LRBA: variants seen among roughly 807,000 people sequenced by gnomAD.
The protein encoded by LRBA is lipopolysaccharide-responsive and beige-like anchor protein.
LRBA carries 176 observed loss-of-function variants against 330.0 expected under a neutral mutation model. The observed-to-expected ratio is 0.53, with a 90% CI of 0.47 to 0.60. The LOEUF (loss-of-function observed/expected upper bound fraction) is 0.60, where lower values mean the gene tolerates loss of function less well. Among genes scored for constraint, LRBA ranks in the 20% least tolerant of loss-of-function variants. LRBA has a pLI of 0.00. For missense variants in LRBA, 3,259 were observed against 3,444.8 expected (o/e 0.95, Z 1.35); for synonymous variants, 1,230 against 1,193.0 (o/e 1.03, Z -0.64).
In LRBA at chr4:150,484,635, A is replaced by AT. The variant is rs886249272; in HGVS notation, c.6551+3096dup. On this transcript the variant is annotated intron_variant, in intron 42 of 56. Coordinates refer to ENST00000651943, the MANE Select transcript of LRBA (RefSeq NM_001364905.1). ...TTTTTCTCTATCATTTATTTTTATT[A>AT]TTTTTTTCTTTCTTCAGCTTACTTT... 6.0e-5 allele frequency among the ~76,000 whole-genome samples: 9 copies of AT among 150,750 alleles called. No individual in the cohort carries two copies. In the South Asian group the frequency reaches 6.3e-4, roughly 11 times the overall value.
Position 150,809,917 on chromosome 4 carries a change from TACG to T in LRBA, c.5306-1522_5306-1520del, listed in dbSNP as rs1560850365. ...TACGATACGATACGATACGATACGA[TACG>T]ATACGATACGATACTTCCCTCTGCT... On this transcript the variant is annotated intron_variant, in intron 31 of 56. Coordinates refer to ENST00000651943, the MANE Select transcript of LRBA (RefSeq NM_001364905.1). 1.7e-3 allele frequency among the ~76,000 whole-genome samples: 222 copies of T among 134,360 alleles called. 1 individual carries two copies. The highest frequency in any genetic ancestry group is 5.9e-3 in the African/African-American group (213 of 35,998). 88.1% of individuals were successfully genotyped at this position (134,360 alleles called of 152,430 possible).
At chr4:150,429,773 C>T (rs1423011539) in intron 46 of LRBA, among the ~76,000 whole-genome samples, 3 of 152,004 alleles carry the variant, frequency 2.0e-5, no homozygotes, top group Non-Finnish European at 4.4e-5. Flanking sequence ...TTGTTTATAT[C>T]TTACTATATA....
At chr4:150,703,428 AC>A (rs1317670191) in intron 36 of LRBA, among the ~76,000 whole-genome samples, 2 of 152,202 alleles carry the variant, frequency 1.3e-5, no homozygotes. Context: ...TCTATTACTG[AC>A]AATTTCATTC....
At chr4:150,998,553 C>T (rs1376391697) in intron 2 of LRBA, among the ~76,000 whole-genome samples, 1 of 151,972 alleles carries the variant, frequency 6.6e-6, no homozygotes, top group Non-Finnish European at 1.5e-5. Context: ...TAGGATCTCA[C>T]TATGTTGCCC....
At chr4:150,657,355 T>G (rs1158186157) in intron 37 of LRBA, among the ~76,000 whole-genome samples, 1 of 152,136 alleles carries the variant, frequency 6.6e-6, no homozygotes, top group Non-Finnish European at 1.5e-5. Context: ...AGTAATAACC[T>G]CTAGGGGTTA....
chr4:150,733,488 A>G (rs1261068929), intron 36 of LRBA, among the ~76,000 whole-genome samples: 1 of 151,890 alleles, frequency 6.6e-6, no homozygotes, highest in Admixed American at 6.6e-5. Context: ...AGTGAATAGG[A>G]GTTCCTGCTT....
chr4:150,805,440 A>AGAAAAG (rs1560841849), intron 33 of LRBA, among the ~76,000 whole-genome samples: 4 of 87,568 alleles, frequency 4.6e-5, no homozygotes, highest in Non-Finnish European at 8.9e-5. Context: ...AAGGAAAGGA[A>AGAAAAG]GGAAAGGGAA....
At chr4:150,339,126 G>C (rs1013897936) in intron 48 of LRBA, among the ~76,000 whole-genome samples, 1 of 152,002 alleles carries the variant, frequency 6.6e-6, no homozygotes, top group African/African-American at 2.4e-5. Flanking sequence ...AGTGTTCTTT[G>C]TGCTCTCCCT....
chr4:150,804,473 C>T (rs1167934843), intron 33 of LRBA, among the ~76,000 whole-genome samples: 1 of 152,126 alleles, frequency 6.6e-6, no homozygotes, highest in Non-Finnish European at 1.5e-5. Context: ...AAACTATTAG[C>T]CTACCTATAA....
At chr4:150,914,824 A>G (rs1175882419) in intron 8 of LRBA, among the ~76,000 whole-genome samples, 3 of 152,168 alleles carry the variant, frequency 2.0e-5, no homozygotes, top group Non-Finnish European at 2.9e-5. Flanking sequence ...AACATTGAGC[A>G]CTCATTCTGT....
chr4:150,644,458 T>C (rs1243968243), intron 37 of LRBA, among the ~76,000 whole-genome samples: 1 of 151,962 alleles, frequency 6.6e-6, no homozygotes, highest in African/African-American at 2.4e-5. Context: ...CTGAGTTTCA[T>C]TTGACAGCCA....
intron 36 of LRBA, among the ~76,000 whole-genome samples, chr4:150,722,053 A>G (rs1729008525): frequency 6.6e-6 from 1 of 152,178 alleles, no homozygotes; most frequent in South Asian, 2.1e-4. Flanking sequence ...TTTGTTGATC[A>G]TCTGCTGTGG....
chr4:150,773,364 T>C (rs1210944626), intron 34 of LRBA, among the ~76,000 whole-genome samples: 1 of 152,068 alleles, frequency 6.6e-6, no homozygotes, highest in African/African-American at 2.4e-5. Context: ...TATTGACAAG[T>C]ATGGAGAAAA....
intron 37 of LRBA, among the ~76,000 whole-genome samples, chr4:150,678,284 G>A (rs1782752191): frequency 6.6e-6 from 1 of 150,768 alleles, no homozygotes; most frequent in Non-Finnish European, 1.5e-5. Context: ...AATAAGGTTT[G>A]ACTAATAATA....
intron 2 of LRBA, among the ~76,000 whole-genome samples, chr4:150,948,993 T>G (rs931952257): frequency 6.6e-6 from 1 of 151,600 alleles, no homozygotes; most frequent in Non-Finnish European, 1.5e-5. Flanking sequence ...GGTGGGAATG[T>G]AAAATGACAC....
chr4:150,448,274 T>C (rs182819284), intron 44 of LRBA, among the ~76,000 whole-genome samples: 55 of 152,322 alleles, frequency 3.6e-4, no homozygotes, highest in Non-Finnish European at 6.0e-4. Context: ...CAAAGAATAA[T>C]GCAGTTCTAC....
Position 150,828,556 on chromosome 4 carries a change from A to G in LRBA, c.4795T>C (p.Ser1599Pro). 1 of 1,614,142 alleles carries G rather than the reference A, an allele frequency of 6.2e-7. No homozygotes were observed. Among genetic ancestry groups the G allele is most frequent in the Non-Finnish European group, 8.5e-7 (1 of 1,180,008 alleles). The change falls in exon 30 of 57, where the codon TCT becomes CCT. Residue 1599 changes from serine (S) to proline (P), a missense_variant. Physicochemically the swap from Ser to Pro is moderately conservative, Grantham distance 74. Coordinates refer to ENST00000651943, the MANE Select transcript of LRBA (RefSeq NM_001364905.1). ...ATGCCTGAGTCCCTCCTTCGAGCAGATGATGTGCTTTCAGATTCTTCCACT... is the reference window on the plus strand; with the variant it reads ...ATGCCTGAGTCCCTCCTTCGAGCAGGTGATGTGCTTTCAGATTCTTCCACT... Reference protein sequence around the residue: ...ASVEESESTSSARRRDSGIGE... With the variant: ...ASVEESESTSPARRRDSGIGE...
intron 4 of LRBA, among the ~76,000 whole-genome samples, chr4:150,924,912 G>A (rs1345169359): frequency 6.6e-6 from 1 of 151,928 alleles, no homozygotes; most frequent in East Asian, 1.9e-4. Context: ...GCTGAGTGTG[G>A]TGGCTCATGC....
intron 17 of LRBA, among the ~76,000 whole-genome samples, chr4:150,875,798 C>T (rs1476254853): frequency 6.6e-6 from 1 of 152,006 alleles, no homozygotes; most frequent in Non-Finnish European, 1.5e-5. Flanking sequence ...AAGAAGGAAC[C>T]ACCACAAAAC....
Sources: allele counts gnomAD v4.1 joint callset (sites outside exome capture counted in the v4.1 genomes callset), GRCh38; gene constraint gnomAD v4.1.1; transcripts MANE v1.5; gene names NCBI Gene and HGNC (gene_info 2026-07-23, HGNC 2026-07-21).